The following ZBTB20 variants were observed in gnomAD, a reference collection of about 807,000 sequenced individuals.
ZBTB20 encodes zinc finger and BTB domain containing 20.
In ZBTB20, 9 loss-of-function variants were observed where a neutral mutation model predicts 56.9. The observed-to-expected ratio is 0.16, with a 90% CI of 0.10 to 0.28. ZBTB20 has a LOEUF of 0.28. Ranked by LOEUF, ZBTB20 falls within the 10% of genes least tolerant of loss-of-function variation. The pLI, the probability that ZBTB20 is intolerant of heterozygous loss-of-function variation, is 1.00. For synonymous variants in ZBTB20, 417 were observed against 420.7 expected (o/e 0.99, Z 0.11); for missense variants, 655 against 1,003.0 (o/e 0.65, Z 4.69).
intron 6 of ZBTB20, among the ~76,000 whole-genome samples, chr3:114,648,030 T>C (rs1030701082): frequency 2.0e-5 from 3 of 152,126 alleles, no homozygotes; most frequent in Non-Finnish European, 2.9e-5. Context: ...TCACATGGTA[T>C]GCAAATTTTA....
intron 6 of ZBTB20, among the ~76,000 whole-genome samples, chr3:114,523,524 T>C (rs895270818): frequency 6.6e-6 from 1 of 152,156 alleles, no homozygotes; most frequent in Admixed American, 6.5e-5. Context: ...AAGAGAAAAT[T>C]TGATAAAACA....
chr3:114,374,589 C>G (rs2083402530), intron 10 of ZBTB20, among the ~76,000 whole-genome samples: 1 of 152,150 alleles, frequency 6.6e-6, no homozygotes. Flanking sequence ...ACAGATGGAC[C>G]ATTTTTGTCC....
chr3:114,537,626 C>G (rs1333847012), intron 6 of ZBTB20, among the ~76,000 whole-genome samples: 1 of 152,108 alleles, frequency 6.6e-6, no homozygotes, highest in African/African-American at 2.4e-5. Flanking sequence ...CCCAGCGATC[C>G]CATTACTGAG....
At chr3:114,396,432 G>A (rs1478551129) in intron 7 of ZBTB20, among the ~76,000 whole-genome samples, 2 of 152,092 alleles carry the variant, frequency 1.3e-5, no homozygotes, top group Admixed American at 6.6e-5. Context: ...AATGCTTACC[G>A]TGTGGCAGGC....
At chr3:114,791,620 T>C (rs533327207) in intron 5 of ZBTB20, 3 of 152,328 alleles carry the variant, frequency 2.0e-5, no homozygotes, top group African/African-American at 7.2e-5. Context: ...CTATCACTTA[T>C]TGATTATCTA....
chr3:114,703,901 T>C (rs1356415531), intron 5 of ZBTB20, among the ~76,000 whole-genome samples: 2 of 152,222 alleles, frequency 1.3e-5, no homozygotes, highest in Non-Finnish European at 2.9e-5. Flanking sequence ...TCACAGCCTG[T>C]GGACGAAAGG....
At chr3:114,926,541 A>G (rs2076164109) in intron 3 of ZBTB20, among the ~76,000 whole-genome samples, 1 of 152,226 alleles carries the variant, frequency 6.6e-6, no homozygotes, top group African/African-American at 2.4e-5. Context: ...AAGTACCAAG[A>G]GATACAAATA....
chr3:115,019,135 G>A (rs1329091706), intron 2 of ZBTB20, among the ~76,000 whole-genome samples: 1 of 151,230 alleles, frequency 6.6e-6, no homozygotes, highest in Non-Finnish European at 1.5e-5. Flanking sequence ...GCTGCCACAA[G>A]AAAAGAAAAA....
intron 6 of ZBTB20, among the ~76,000 whole-genome samples, chr3:114,612,264 C>T (rs1414328696): frequency 6.6e-6 from 1 of 152,184 alleles, no homozygotes; most frequent in Non-Finnish European, 1.5e-5. Flanking sequence ...GTAGTACTCA[C>T]TACCTTTCGT....
At chr3:114,594,456 G>A (rs1426132010) in intron 6 of ZBTB20, among the ~76,000 whole-genome samples, 3 of 151,666 alleles carry the variant, frequency 2.0e-5, no homozygotes, top group South Asian at 2.1e-4. Context: ...TAGTAGAGAC[G>A]GGGTTTCACT....
intron 7 of ZBTB20, among the ~76,000 whole-genome samples, chr3:114,398,344 C>T (rs1041818815): frequency 2.0e-5 from 3 of 152,072 alleles, no homozygotes; most frequent in South Asian, 2.1e-4. Context: ...ACCATGTCAT[C>T]GGTTAATATA....
intron 3 of ZBTB20, among the ~76,000 whole-genome samples, chr3:114,925,680 C>G (rs1056370680): frequency 6.6e-6 from 1 of 152,054 alleles, no homozygotes; most frequent in African/African-American, 2.4e-5. Context: ...GCGCCCGCCA[C>G]CACACCTGGC....
intron 3 of ZBTB20, among the ~76,000 whole-genome samples, chr3:114,925,694 A>AT (rs1194784747): frequency 6.6e-6 from 1 of 151,746 alleles, no homozygotes; most frequent in East Asian, 2.0e-4. Flanking sequence ...ACCTGGCTAA[A>AT]TTTTTGTATT....
intron 11 of ZBTB20, among the ~76,000 whole-genome samples, chr3:114,347,880 T>C (rs930495959): frequency 6.6e-6 from 1 of 152,204 alleles, no homozygotes; most frequent in Non-Finnish European, 1.5e-5. Flanking sequence ...CTGAGGATGT[T>C]CATAATTTAC....
chr3:114,369,933 G>A (rs2683786), intron 10 of ZBTB20, among the ~76,000 whole-genome samples: 64,987 of 152,044 alleles, frequency 0.43, 14,165 homozygotes, highest in South Asian at 0.44. Context: ...GTGTTCAGAG[G>A]TTACTGAGGG....
chr3:114,603,188 G>C (rs1260219902), intron 6 of ZBTB20, among the ~76,000 whole-genome samples: 5 of 152,094 alleles, frequency 3.3e-5, no homozygotes, highest in East Asian at 3.9e-4. Context: ...GAGGAAAGGT[G>C]AATAACTTAA....
chr3:114,343,959 G>C (rs767552918), intron 11 of ZBTB20, among the ~76,000 whole-genome samples: 23 of 152,238 alleles, frequency 1.5e-4, no homozygotes, highest in Non-Finnish European at 3.1e-4. Context: ...TGAGGCAGGA[G>C]AATCACTTGA....
chr3:115,070,125 T>C (rs1397600853), intron 2 of ZBTB20, among the ~76,000 whole-genome samples: 1 of 152,148 alleles, frequency 6.6e-6, no homozygotes, highest in East Asian at 1.9e-4. Flanking sequence ...TTAAACTCAA[T>C]GACAGCTTAA....
chr3:115,026,448 C>G (rs1393779629), intron 2 of ZBTB20, among the ~76,000 whole-genome samples: 3 of 151,022 alleles, frequency 2.0e-5, no homozygotes, highest in African/African-American at 7.3e-5. Flanking sequence ...ATTTATTGGT[C>G]TGTAAAACAG....
Sources: allele counts gnomAD v4.1 joint callset (sites outside exome capture counted in the v4.1 genomes callset), GRCh38; gene constraint gnomAD v4.1.1; transcripts MANE v1.5; gene names NCBI Gene and HGNC (gene_info 2026-07-23, HGNC 2026-07-21).